The following PRKN variants were observed in gnomAD, a reference collection of about 807,000 sequenced individuals.
PRKN encodes parkin RBR E3 ubiquitin protein ligase.
PRKN carries 56 observed loss-of-function variants against 59.5 expected under a neutral mutation model. The ratio of observed to expected loss-of-function variants is 0.94; its 90% confidence interval spans 0.76 to 1.18. The LOEUF is 1.18. PRKN is among the 50% of genes most tolerant of loss of function. The probability of loss-of-function intolerance (pLI) is 0.00; values close to 1 mark genes in which losing one functional copy is unlikely to be tolerated. For synonymous variants in PRKN, 250 were observed against 222.1 expected (o/e 1.13, Z -1.12); for missense variants, 657 against 596.4 (o/e 1.10, Z -1.06).
At chr6:161,854,434 T>A (rs1793562555) in intron 6 of PRKN, among the ~76,000 whole-genome samples, 1 of 152,102 alleles carries the variant, frequency 6.6e-6, no homozygotes, top group Admixed American at 6.6e-5. Context: ...AAATGAAAGC[T>A]GCAAAAAGTA....
In PRKN at chr6:161,480,337, AGTATGGGGCCCTGTG is replaced by A. The variant is rs1791329745; in HGVS notation, c.1083+68502_1083+68516del. Among the ~76,000 whole-genome samples the A allele has an allele frequency of 1.3e-5, 2 of 151,260 alleles. No homozygotes were observed. Among genetic ancestry groups the A allele is most frequent in the African/African-American group, 2.4e-5 (1 of 40,974 alleles). On this transcript the variant is annotated intron_variant, in intron 9 of 11. Transcript: ENST00000366898. This position sits in a 1 kb window ranked among gnomAD's most constrained non-coding sequence, Gnocchi z 4.1. The stretch of plus-strand genomic sequence containing the variant: ...GGCCCTGTGAGTATGGGGCCCTGTG[AGTATGGGGCCCTGTG>A]TGACTGTACAGGTCGCACACTCCAA...
At chr6:161,859,025 A>G (rs1021314601) in intron 6 of PRKN, among the ~76,000 whole-genome samples, 1 of 151,304 alleles carries the variant, frequency 6.6e-6, no homozygotes, top group Admixed American at 6.6e-5. Context: ...GCCCACCAAC[A>G]TACCCAGCTA....
rs71278564 is a variant in PRKN, at chr6:162,389,007, GA to G, written c.171+54302del. ...TTTTAAAATCCTTTCAGTTCCTCCAGAAAAAAAAAAAAAAAAACAAAAAAAC... is the reference window on the plus strand; with the variant it reads ...TTTTAAAATCCTTTCAGTTCCTCCAGAAAAAAAAAAAAAAAACAAAAAAAC... On this transcript the variant is annotated intron_variant, in intron 2 of 11. Transcript: ENST00000366898. Among the ~76,000 whole-genome samples the G allele has an allele frequency of 5.0e-3, 522 of 104,154 alleles. 6 individuals carry two copies. Among genetic ancestry groups the G allele is most frequent in the African/African-American group, 0.017 (481 of 28,134 alleles). 68.3% of individuals were successfully genotyped at this position (104,154 alleles called of 152,430 possible). A position where few individuals can be genotyped will look rare whatever the true frequency, so the allele number is the denominator to read the frequency against.
chr6:162,340,811 A>G (rs1027941110), intron 2 of PRKN, among the ~76,000 whole-genome samples: 1 of 152,196 alleles, frequency 6.6e-6, no homozygotes, highest in Non-Finnish European at 1.5e-5. Context: ...AAAATCATAA[A>G]AACCCCAGAA....
chr6:162,273,283 G>A (rs943363132), intron 2 of PRKN, among the ~76,000 whole-genome samples: 2 of 152,094 alleles, frequency 1.3e-5, no homozygotes, highest in Non-Finnish European at 2.9e-5. Flanking sequence ...TTTCCCTAAC[G>A]TGACTATCTA....
chr6:162,687,658 A>G lies in PRKN; in HGVS notation c.7+40004T>C, dbSNP rs1777622792. Among the ~76,000 whole-genome samples the G allele has an allele frequency of 1.3e-5, 2 of 152,206 alleles. 1 individual carries two copies. Among genetic ancestry groups the G allele is most frequent in the South Asian group, 4.1e-4 (2 of 4,836 alleles). On this transcript the variant is annotated intron_variant, in intron 1 of 11. Coordinates refer to ENST00000366898, the MANE Select transcript of PRKN (RefSeq NM_004562.3). ...TGCTTATGAGCAATCTACATGAAAT[A>G]CAAAAATTCCCCTTCTGAAAAATTA...
chr6:162,619,953 CAGAA>C (rs1562442791), intron 1 of PRKN, among the ~76,000 whole-genome samples: 1 of 152,124 alleles, frequency 6.6e-6, no homozygotes, highest in Non-Finnish European at 1.5e-5. Context: ...TTTTTATAAA[CAGAA>C]AGGTAATATT....
intron 1 of PRKN, among the ~76,000 whole-genome samples, chr6:162,523,795 T>C (rs1374632759): frequency 1.3e-5 from 2 of 151,960 alleles, no homozygotes; most frequent in Non-Finnish European, 2.9e-5. Context: ...GGTGGGAGGA[T>C]TGCTTCAGGC....
intron 6 of PRKN, among the ~76,000 whole-genome samples, chr6:161,922,324 A>G (rs1202921524): frequency 6.6e-6 from 1 of 152,060 alleles, no homozygotes; most frequent in Middle Eastern, 3.2e-3. Flanking sequence ...GTGTGTCCCC[A>G]CTTTCAGCCA....
At chr6:162,011,643 T>TA (rs1782723469) in intron 5 of PRKN, among the ~76,000 whole-genome samples, 1 of 147,714 alleles carries the variant, frequency 6.8e-6, no homozygotes, top group African/African-American at 2.5e-5. Flanking sequence ...TCTTTATTGT[T>TA]ACAGCAAAAA....
intron 6 of PRKN, among the ~76,000 whole-genome samples, chr6:161,818,779 G>T (rs1470470076): frequency 6.6e-6 from 1 of 152,090 alleles, no homozygotes; most frequent in Admixed American, 6.6e-5. Flanking sequence ...CCAACAACAA[G>T]GGCCTGGGAA....
chr6:162,605,532 A>G (rs1233951940), intron 1 of PRKN, among the ~76,000 whole-genome samples: 3 of 152,122 alleles, frequency 2.0e-5, no homozygotes, highest in Non-Finnish European at 4.4e-5. Flanking sequence ...CACCCTAAGA[A>G]CTCAAAATAC....
intron 5 of PRKN, among the ~76,000 whole-genome samples, chr6:162,052,353 T>C (rs556265524): frequency 6.6e-6 from 1 of 152,292 alleles, no homozygotes; most frequent in Non-Finnish European, 1.5e-5. Context: ...TGTTTTGTTT[T>C]TTTAATCTTT....
chr6:162,573,957 T>A (rs1180619607), intron 1 of PRKN, among the ~76,000 whole-genome samples: 2 of 152,190 alleles, frequency 1.3e-5, no homozygotes, highest in African/African-American at 4.8e-5. Flanking sequence ...AAGCAACTAC[T>A]TCAAATTTTG....
rs1787061049 is a variant in PRKN, at chr6:161,401,742, T to C, written c.1084-14865A>G. On this transcript the variant is annotated intron_variant, in intron 9 of 11. Transcript: ENST00000366898. This position sits in a 1 kb window ranked among gnomAD's most constrained non-coding sequence, Gnocchi z 4.4. ...TGAACACTTTCTAGGCTTGTGTCTC[T>C]CCATGAGATTCTCAGACAGCTGCAT... Among the ~76,000 whole-genome samples the C allele has an allele frequency of 6.6e-6, 1 of 152,170 alleles. No homozygotes were observed.
At chr6:161,568,437 T>TA (rs201030668) in intron 8 of PRKN, among the ~76,000 whole-genome samples, 2,463 of 152,032 alleles carry the variant, frequency 0.016, 74 homozygotes, top group African/African-American at 0.057. Context: ...ACCAAAAATA[T>TA]AAAAAATTAG....
At chr6:162,054,752 A>G (rs1777789033) in intron 4 of PRKN, among the ~76,000 whole-genome samples, 1 of 152,272 alleles carries the variant, frequency 6.6e-6, no homozygotes, top group Non-Finnish European at 1.5e-5. Context: ...CTTCTTTTAA[A>G]TTAGAGAAGA....
At chr6:162,203,014 C>G (rs1299409950) in intron 3 of PRKN, among the ~76,000 whole-genome samples, 1 of 152,032 alleles carries the variant, frequency 6.6e-6, no homozygotes, top group Non-Finnish European at 1.5e-5. Flanking sequence ...AAAGCAAAAG[C>G]TTTGAAAGGG....
chr6:162,345,106 A>G, intron 2 of PRKN, among the ~76,000 whole-genome samples: 1 of 152,200 alleles, frequency 6.6e-6, no homozygotes, highest in East Asian at 1.9e-4. Flanking sequence ...AGGGCCTCCC[A>G]TTCCAGATGT....
Sources: allele counts gnomAD v4.1 joint callset (sites outside exome capture counted in the v4.1 genomes callset), GRCh38; gene constraint gnomAD v4.1.1; non-coding constraint Gnocchi (gnomAD v3.1); transcripts MANE v1.5; gene names NCBI Gene and HGNC (gene_info 2026-07-23, HGNC 2026-07-21).